Variants in PTPN22 observed in about 807,000 individuals in gnomAD.
The protein encoded by PTPN22 is tyrosine-protein phosphatase non-receptor type 22.
A neutral mutation model predicts 103.3 loss-of-function variants in PTPN22; 85 were observed. The ratio of observed to expected loss-of-function variants is 0.82; its 90% CI spans 0.69 to 0.99. The LOEUF (loss-of-function observed/expected upper bound fraction) is 0.99, where lower values mean the gene tolerates loss of function less well. PTPN22 is among the 50% of genes least tolerant of loss of function. PTPN22 has a pLI of 0.00. For missense variants in PTPN22, 865 were observed against 936.9 expected, an observed-to-expected ratio of 0.92 and a Z score of 1.00; for synonymous variants, 323 against 310.2, an observed-to-expected ratio of 1.04 and a Z score of -0.43.
rs567741593 is a variant in PTPN22 at position 113,866,730 on chromosome 1, C to A, written c.87+4807G>T. On this transcript the variant is annotated intron_variant, in intron 1 of 20. Transcript: ENST00000359785. ...ATAAATGGACAAGAACTAGAAGATC[C>A]ACAAAAAAAGCTATTGTTGGTTTTC... 7.2e-5 allele frequency among the ~76,000 whole-genome samples: 11 copies of A among 151,974 alleles called. No individual in the cohort carries two copies. In the East Asian group the frequency reaches 2.1e-3, roughly 29 times the overall value.
intron 1 of PTPN22, among the ~76,000 whole-genome samples, chr1:113,863,384 C>T (rs539327930): frequency 1.3e-5 from 2 of 152,206 alleles, no homozygotes; most frequent in South Asian, 2.1e-4. Context: ...TGAGCCGCTG[C>T]GCTCAGCCAA....
Position 113,838,425 on chromosome 1 carries a change from C to CGTAAT in PTPN22, c.993-23_993-19dup. ...TTGTGGTACTAAAACAAAAAGAAAG[C>CGTAAT]GTAATGATGACACCATACCCCAAAC... On this transcript the variant is annotated intron_variant, in intron 12 of 20. Transcript: ENST00000359785. 1 of 1,580,410 alleles carries CGTAAT rather than the reference C, an allele frequency of 6.3e-7. No homozygotes were observed. Among genetic ancestry groups the CGTAAT allele is most frequent in the Non-Finnish European group, 8.6e-7 (1 of 1,165,488 alleles).
intron 1 of PTPN22, among the ~76,000 whole-genome samples, chr1:113,869,684 T>C (rs1666418613): frequency 6.6e-6 from 1 of 152,130 alleles, no homozygotes; most frequent in Admixed American, 6.6e-5. Flanking sequence ...TGTGAGCCAC[T>C]GCCCCCGGCC....
At position 113,854,175 on chromosome 1, in the gene PTPN22, A is replaced by C. The variant is rs144261597; in HGVS notation, c.750+296T>G. 5.7e-3 allele frequency among the ~76,000 whole-genome samples: 870 copies of C among 152,246 alleles called. 6 individuals carry two copies. Among genetic ancestry groups the C allele is most frequent in the Non-Finnish European group, 8.7e-3 (593 of 68,004 alleles). On this transcript the variant is annotated intron_variant, in intron 9 of 20. Coordinates refer to ENST00000359785, the Ensembl canonical transcript of PTPN22. The stretch of plus-strand genomic sequence containing the variant: ...GCCACTGTGCCCGGCCTAAATTTTC[A>C]AATAGACACATTCAAAACCGAAAAG...
chr1:113,815,793 C>T (rs1661101680), intron 20 of PTPN22, among the ~76,000 whole-genome samples: 1 of 152,218 alleles, frequency 6.6e-6, no homozygotes, highest in African/African-American at 2.4e-5. Flanking sequence ...ATTCTCCTGC[C>T]TCAGCCTCCT....
At chr1:113,868,175 T>C (rs1666272724) in intron 1 of PTPN22, among the ~76,000 whole-genome samples, 1 of 152,312 alleles carries the variant, frequency 6.6e-6, no homozygotes, top group South Asian at 2.1e-4. Context: ...TCTGTATTGT[T>C]CTCTGTACAA....
intron 15 of PTPN22, 85 bp from the exon 16 acceptor site, chr1:113,833,223 C>T: frequency 1.9e-6 from 2 of 1,029,520 alleles, no homozygotes; most frequent in South Asian, 1.4e-5. Context: ...CATTTTTGAA[C>T]TTATATGTAA....
chr1:113,834,303 A>G lies in PTPN22; in HGVS notation c.2025+6T>C, dbSNP rs1467172153. On this transcript the variant is annotated splice_donor_region_variant and intron_variant, in intron 15 of 20. Transcript: ENST00000359785. ...AAATGAGTAGAGTCATTAAAAAATTATTGACCTTGCTTGGTCTAAGTATCA... is the reference window on the plus strand; with the variant it reads ...AAATGAGTAGAGTCATTAAAAAATTGTTGACCTTGCTTGGTCTAAGTATCA... 1 of 1,612,918 alleles carries G rather than the reference A, an allele frequency of 6.2e-7. No homozygotes were observed. The highest frequency in any genetic ancestry group is 1.1e-5 in the South Asian group (1 of 90,850).
chr1:113,843,302 G>GTGTC (rs958348549), intron 11 of PTPN22, among the ~76,000 whole-genome samples: 4 of 151,662 alleles, frequency 2.6e-5, no homozygotes, highest in African/African-American at 9.7e-5. Flanking sequence ...GTGTGTGTGT[G>GTGTC]TGTGTGGTGT....
intron 19 of PTPN22, among the ~76,000 whole-genome samples, chr1:113,820,142 T>G (rs1661467752): frequency 6.6e-6 from 1 of 152,186 alleles, no homozygotes; most frequent in Admixed American, 6.5e-5. Flanking sequence ...GATTTTTTTC[T>G]AATTATAAGT....
chr1:113,859,240 A>G (rs1177548742), intron 2 of PTPN22, 112 bp downstream of exon 2: 1 of 1,540,596 alleles, frequency 6.5e-7, no homozygotes, highest in Non-Finnish European at 8.8e-7. Flanking sequence ...AGTACAAACT[A>G]AGTTGTCAAT....
At chr1:113,829,958 C>T (rs776973318) in exon 17 of PTPN22, 32 of 1,598,246 alleles carry the variant, frequency 2.0e-5, no homozygotes, top group Non-Finnish European at 2.6e-5. Flanking sequence ...CAATCTTCAT[C>T]GGCAAGAAAG....
At chr1:113,814,496 G>T (rs986729907) in exon 21 of PTPN22, 2 of 158,300 alleles carry the variant, frequency 1.3e-5, no homozygotes, top group Non-Finnish European at 2.7e-5. Context: ...CACAAAGTAA[G>T]TTTTTTTTTT....
intron 16 of PTPN22, among the ~76,000 whole-genome samples, chr1:113,832,721 A>G (rs768266684): frequency 1.3e-5 from 2 of 152,238 alleles, no homozygotes; most frequent in African/African-American, 4.8e-5. Flanking sequence ...TTGTTCTTCA[A>G]TGCATGAAAC....
intron 14 of PTPN22, 26 bp downstream of exon 14, chr1:113,834,883 AT>A (rs1423302497): frequency 1.3e-6 from 2 of 1,497,018 alleles, no homozygotes; most frequent in Non-Finnish European, 1.8e-6. Flanking sequence ...CCCACACTTT[AT>A]TTTATACTTA....
At chr1:113,871,411 T>G in intron 1 of PTPN22, 126 bp downstream of exon 1, 3 of 686,538 alleles carry the variant, frequency 4.4e-6, no homozygotes, top group Non-Finnish European at 7.4e-6. Context: ...TTTTTTTTTC[T>G]GTCTTCCCCG....
intron 1 of PTPN22, among the ~76,000 whole-genome samples, chr1:113,869,758 A>G (rs1044458560): frequency 2.6e-5 from 4 of 152,074 alleles, no homozygotes; most frequent in Non-Finnish European, 5.9e-5. Context: ...CCCTCAGCTC[A>G]CTTTTTACAT....
chr1:113,869,639 C>A (rs1257664209), intron 1 of PTPN22, among the ~76,000 whole-genome samples: 1 of 152,164 alleles, frequency 6.6e-6, no homozygotes, highest in Non-Finnish European at 1.5e-5. Context: ...AGGTGATCCA[C>A]CCGCCTCGGC....
Position 113,848,819 on chromosome 1 carries a change from T to C in PTPN22, c.829-193A>G, listed in dbSNP as rs567628364. ...TTCACTTCAGATTTCAAAGCACTTT[T>C]ATGCTGCTGAAAATAGCTAAATATT... On this transcript the variant is annotated intron_variant, in intron 10 of 20. Coordinates refer to ENST00000359785, the Ensembl canonical transcript of PTPN22. Among the ~76,000 whole-genome samples the C allele has an allele frequency of 2.6e-5, 4 of 152,332 alleles. No homozygotes were observed. The East Asian group carries it at 7.7e-4, about 29-fold the overall frequency.
Sources: gnomAD v4.1 joint callset for allele counts (sites outside exome capture counted in the v4.1 genomes callset) on GRCh38, gnomAD v4.1.1 for gene constraint, MANE v1.5 for transcripts, NCBI Gene and HGNC (gene_info 2026-07-23, HGNC 2026-07-21) for gene names.